The following PTPRG variants were observed in gnomAD, a reference collection of about 807,000 sequenced individuals.
PTPRG encodes the protein receptor-type tyrosine-protein phosphatase gamma.
A neutral mutation model predicts 165.3 loss-of-function variants in PTPRG; 102 were observed. The ratio of observed to expected loss-of-function variants is 0.62; its 90% CI spans 0.53 to 0.73. PTPRG has a LOEUF of 0.73. Ranked by LOEUF, PTPRG falls within the 30% of genes least tolerant of loss-of-function variation. PTPRG has a pLI of 0.00. For synonymous variants in PTPRG, 675 were observed against 669.5 expected (o/e 1.01, Z -0.13); for missense variants, 1,866 against 1,861.4 (o/e 1.00, Z -0.05).
intron 2 of PTPRG, among the ~76,000 whole-genome samples, chr3:61,864,193 C>A (rs1208293683): frequency 6.6e-6 from 1 of 152,142 alleles, no homozygotes; most frequent in Non-Finnish European, 1.5e-5. Context: ...ATGGATAATT[C>A]TCAATAAATG....
intron 4 of PTPRG, among the ~76,000 whole-genome samples, chr3:62,053,605 T>G (rs1296924601): frequency 6.6e-6 from 1 of 152,120 alleles, no homozygotes; most frequent in Non-Finnish European, 1.5e-5. Flanking sequence ...AGCTAGTGCT[T>G]AATATTCTGA....
At chr3:62,186,145 G>A (rs1192645012) in intron 8 of PTPRG, among the ~76,000 whole-genome samples, 4 of 152,038 alleles carry the variant, frequency 2.6e-5, no homozygotes, top group African/African-American at 7.2e-5. Flanking sequence ...GCCAAGCATC[G>A]GTGGTTTTTG....
chr3:61,851,523 C>G (rs1031538626), intron 2 of PTPRG, among the ~76,000 whole-genome samples: 2 of 152,100 alleles, frequency 1.3e-5, no homozygotes, highest in Non-Finnish European at 2.9e-5. Context: ...TCTGTATAAA[C>G]GTACCTAACA....
At chr3:62,106,296 G>A (rs1702470182) in intron 5 of PTPRG, among the ~76,000 whole-genome samples, 1 of 152,126 alleles carries the variant, frequency 6.6e-6, no homozygotes, top group South Asian at 2.1e-4. Flanking sequence ...CATCACAGTT[G>A]GGTAGCACCT....
At chr3:61,820,930 A>G (rs2035936586) in intron 2 of PTPRG, among the ~76,000 whole-genome samples, 2 of 151,884 alleles carry the variant, frequency 1.3e-5, no homozygotes, top group African/African-American at 2.4e-5. Flanking sequence ...CACTGTGAAC[A>G]TTTATGGATT....
intron 1 of PTPRG, among the ~76,000 whole-genome samples, chr3:61,734,903 T>C (rs1229200103): frequency 6.6e-6 from 1 of 152,228 alleles, no homozygotes; most frequent in Non-Finnish European, 1.5e-5. Flanking sequence ...CAATTTTGAA[T>C]GTGAGCTTTC....
At chr3:61,759,277 A>G (rs149140247) in intron 2 of PTPRG, among the ~76,000 whole-genome samples, 62 of 152,348 alleles carry the variant, frequency 4.1e-4, no homozygotes, top group Middle Eastern at 3.4e-3. Flanking sequence ...TGGTGTGTAT[A>G]TAACATAGAA....
intron 7 of PTPRG, among the ~76,000 whole-genome samples, chr3:62,157,958 C>T (rs6786544): frequency 3.9e-4 from 60 of 152,294 alleles, no homozygotes; most frequent in African/African-American, 1.4e-3. Context: ...GATTGGGTAA[C>T]ATGCCCAAAG....
At chr3:61,817,074 TTATA>T (rs1422052646) in intron 2 of PTPRG, among the ~76,000 whole-genome samples, 1 of 132,372 alleles carries the variant, frequency 7.6e-6, no homozygotes, top group African/African-American at 2.8e-5. Flanking sequence ...AATACATATA[TTATA>T]TATAATATAT....
intron 14 of PTPRG, among the ~76,000 whole-genome samples, chr3:62,235,159 T>C (rs2106931394): frequency 6.6e-6 from 1 of 152,322 alleles, no homozygotes; most frequent in East Asian, 1.9e-4. Context: ...TGAATTTCAT[T>C]TCTTACCTCC....
chr3:62,116,139 G>T (rs1315704330), intron 5 of PTPRG, among the ~76,000 whole-genome samples: 1 of 152,134 alleles, frequency 6.6e-6, no homozygotes, highest in African/African-American at 2.4e-5. Flanking sequence ...GCTAACCAGA[G>T]CCCAGAACCC....
At position 62,220,218 on chromosome 3, in the gene PTPRG, G is replaced by A. The variant is rs141997487; in HGVS notation, c.2288+1235G>A. Among the ~76,000 whole-genome samples the A allele has an allele frequency of 1.1e-3, 174 of 152,338 alleles. 1 individual carries two copies. The highest frequency in any genetic ancestry group is 2.0e-3 in the Non-Finnish European group (139 of 68,028). ...AAAGAAACAAGGTAGAGCAGGATCGGGTCATGCTGCACAGCCTTGTGGGCC... is the reference window on the plus strand; with the variant it reads ...AAAGAAACAAGGTAGAGCAGGATCGAGTCATGCTGCACAGCCTTGTGGGCC... On this transcript the variant is annotated intron_variant, in intron 13 of 29. Coordinates refer to ENST00000474889, the MANE Select transcript of PTPRG (RefSeq NM_002841.4).
chr3:61,724,397 T>C (rs556489186), intron 1 of PTPRG, among the ~76,000 whole-genome samples: 1 of 152,188 alleles, frequency 6.6e-6, no homozygotes, highest in Non-Finnish European at 1.5e-5. Flanking sequence ...TTTCACCTTT[T>C]GAGGGAGATT....
rs528990650 is a variant in PTPRG at position 61,594,612 on chromosome 3, T to G, written c.85+32240T>G. Reference sequence around the variant, plus strand: ...CCCAGGACTGATGATGTTTTGTGTGTTGTTAGGTAGACTGTTACTCATTTG... The same window carrying G: ...CCCAGGACTGATGATGTTTTGTGTGGTGTTAGGTAGACTGTTACTCATTTG... On this transcript the variant is annotated intron_variant, in intron 1 of 29. Transcript: ENST00000474889. 7.2e-5 allele frequency among the ~76,000 whole-genome samples: 11 copies of G among 152,154 alleles called. No homozygotes were observed. In the East Asian group the frequency reaches 7.7e-4, roughly 11 times the overall value.
chr3:61,994,913 T>C (rs1179392291), intron 3 of PTPRG, among the ~76,000 whole-genome samples: 2 of 152,060 alleles, frequency 1.3e-5, no homozygotes, highest in Non-Finnish European at 2.9e-5. Context: ...AAAGATACTC[T>C]TTGCCCTGTT....
At position 61,767,528 on chromosome 3, in the gene PTPRG, A is replaced by G. The variant is rs184015734; in HGVS notation, c.190+18546A>G. 2.2e-3 allele frequency among the ~76,000 whole-genome samples: 337 copies of G among 152,340 alleles called. 6 individuals carry two copies. The highest frequency in any genetic ancestry group is 0.02 in the Admixed American group (302 of 15,298). ...TTAAATGTGTTTAAAATATTCTTTCATATTAATTGGTTGGCATTTAGATGT... is the reference window on the plus strand; with the variant it reads ...TTAAATGTGTTTAAAATATTCTTTCGTATTAATTGGTTGGCATTTAGATGT... On this transcript the variant is annotated intron_variant, in intron 2 of 29. Transcript: ENST00000474889.
intron 1 of PTPRG, among the ~76,000 whole-genome samples, chr3:61,676,557 CACAA>C (rs1165600322): frequency 6.7e-6 from 1 of 149,968 alleles, no homozygotes; most frequent in Non-Finnish European, 1.5e-5. Flanking sequence ...TTCACACACA[CACAA>C]ACACACACAC....
chr3:62,241,938 C>T (rs1701169315), intron 14 of PTPRG, among the ~76,000 whole-genome samples: 1 of 152,086 alleles, frequency 6.6e-6, no homozygotes, highest in South Asian at 2.1e-4. Flanking sequence ...AGCTATGATA[C>T]TGGATGGTTA....
chr3:62,191,137 CTG>C (rs1365668161), intron 8 of PTPRG, among the ~76,000 whole-genome samples: 11 of 151,602 alleles, frequency 7.3e-5, no homozygotes, highest in African/African-American at 2.7e-4. Context: ...GTGTGTGCGT[CTG>C]TGTCCCGTGC....
Sources: allele counts gnomAD v4.1 joint callset (sites outside exome capture counted in the v4.1 genomes callset), GRCh38; gene constraint gnomAD v4.1.1; transcripts MANE v1.5; gene names NCBI Gene and HGNC (gene_info 2026-07-23, HGNC 2026-07-21).